COL4A3: variants seen among roughly 807,000 people sequenced by gnomAD.
COL4A3 encodes collagen alpha-3(IV) chain.
A neutral mutation model predicts 217.4 loss-of-function variants in COL4A3; 135 were observed. The ratio of observed to expected loss-of-function variants is 0.62; its 90% CI spans 0.54 to 0.72. COL4A3 has a LOEUF of 0.72. Among genes scored for constraint, COL4A3 ranks in the 30% least tolerant of loss-of-function variants. The probability of loss-of-function intolerance (pLI) is 0.00; values close to 1 mark genes in which losing one functional copy is unlikely to be tolerated. For missense variants in COL4A3, 1,868 were observed against 2,119.9 expected, an observed-to-expected ratio of 0.88 and a Z score of 2.33; for synonymous variants, 690 against 736.3, an observed-to-expected ratio of 0.94 and a Z score of 1.02.
At chr2:227,272,052 T>A (rs1383424033) in intron 25 of COL4A3, among the ~76,000 whole-genome samples, 1 of 152,228 alleles carries the variant, frequency 6.6e-6, no homozygotes. Flanking sequence ...CCTAAATGCT[T>A]CTGACTACAA....
rs113537624 is a variant in COL4A3 at position 227,168,287 on chromosome 2, G to T, written c.87+3474G>T. Among the ~76,000 whole-genome samples, 1,342 of 152,324 alleles carry T rather than the reference G, an allele frequency of 8.8e-3. 13 individuals carry two copies. The highest frequency in any genetic ancestry group is 0.03 in the African/African-American group (1,255 of 41,560). On this transcript the variant is annotated intron_variant, in intron 1 of 51. Coordinates refer to ENST00000396578, the MANE Select transcript of COL4A3 (RefSeq NM_000091.5). ...TGACAAGTTCATCTGCAAAAGGGTT[G>T]TACCAACAATGTACCAGAGTGCCTG...
At chr2:227,230,263 G>A (rs2068329140) in intron 1 of COL4A3, among the ~76,000 whole-genome samples, 1 of 152,078 alleles carries the variant, frequency 6.6e-6, no homozygotes, top group Non-Finnish European at 1.5e-5. Flanking sequence ...CTGTGAAAAA[G>A]AATGATTTCC....
At position 227,289,234 on chromosome 2, in the gene COL4A3, C is replaced by A. The variant is rs748243984; in HGVS notation, c.2966C>A (p.Pro989Gln). 3 of 1,613,394 alleles carry A rather than the reference C, an allele frequency of 1.9e-6. No individual in the cohort carries two copies. Among genetic ancestry groups the A allele is most frequent in the Non-Finnish European group, 2.5e-6 (3 of 1,179,560 alleles). ...GLKGLKGLPG[P>Q]AGPPGPRGDL... is the part of the protein sequence containing the mutation. ...AAGGGCCTCAAAGGACTACCCGGAC[C>A]AGCAGGACCACCAGGTACAGCTGAT... The change falls in exon 35 of 52, where the codon CCA becomes CAA. Residue 989 changes from proline (P) to glutamine (Q), a missense_variant. Physicochemically the swap from Pro to Gln is moderately conservative, Grantham distance 76. Coordinates refer to ENST00000396578, the MANE Select transcript of COL4A3 (RefSeq NM_000091.5).
At chr2:227,288,912 T>C (rs1402170387) in intron 34 of COL4A3, among the ~76,000 whole-genome samples, 1 of 151,996 alleles carries the variant, frequency 6.6e-6, no homozygotes, top group Admixed American at 6.6e-5. Context: ...TCTGACAAAA[T>C]TTTAACATGA....
At chr2:227,294,254 G>A (rs1017440562) in intron 38 of COL4A3, 1 of 531,464 alleles carries the variant, frequency 1.9e-6, no homozygotes, top group Non-Finnish European at 3.4e-6. Flanking sequence ...ATCGCATATT[G>A]AGTGGTGCTT....
chr2:227,199,265 A>G (rs533259643), intron 1 of COL4A3, among the ~76,000 whole-genome samples: 1 of 152,306 alleles, frequency 6.6e-6, no homozygotes, highest in East Asian at 1.9e-4. Context: ...GTTTTATAGC[A>G]GAGTTAGTCA....
At chr2:227,305,109 C>T (rs371412457) in intron 47 of COL4A3, 26 bp downstream of exon 47, 59 of 1,593,088 alleles carry the variant, frequency 3.7e-5, no homozygotes, top group East Asian at 6.7e-5. Flanking sequence ...GTTTCCTCAC[C>T]GAAGAAGTGC....
At chr2:227,255,947 C>CATATCA in intron 15 of COL4A3, 79 bp from the exon 16 acceptor site, 1 of 1,407,278 alleles carries the variant, frequency 7.1e-7, no homozygotes, top group Non-Finnish European at 1.0e-6. Context: ...AGGAGATGAT[C>CATATCA]ATATCACTTA....
At chr2:227,252,130 G>C (rs945671025) in intron 11 of COL4A3, among the ~76,000 whole-genome samples, 1 of 148,580 alleles carries the variant, frequency 6.7e-6, no homozygotes, top group Non-Finnish European at 1.5e-5. Context: ...AAAATGTTGA[G>C]TGAGGCTGAG....
At chr2:227,294,654 C>T in intron 39 of COL4A3, 84 bp downstream of exon 39, 1 of 1,026,000 alleles carries the variant, frequency 9.7e-7, no homozygotes, top group Non-Finnish European at 1.5e-6. Flanking sequence ...AAACCTACTA[C>T]TCTATAGAAG....
At chr2:227,218,942 A>G (rs1425915387) in intron 1 of COL4A3, among the ~76,000 whole-genome samples, 2 of 152,108 alleles carry the variant, frequency 1.3e-5, no homozygotes, top group East Asian at 3.9e-4. Flanking sequence ...GGAATTTGTC[A>G]TCTTCCAATA....
At chr2:227,184,251 A>C (rs2065945637) in intron 1 of COL4A3, among the ~76,000 whole-genome samples, 1 of 152,210 alleles carries the variant, frequency 6.6e-6, no homozygotes, top group South Asian at 2.1e-4. Context: ...CCTGGCTAGG[A>C]AACTCATCTG....
In COL4A3 at chr2:227,253,168, A is replaced by G. The variant is rs1250387450; in HGVS notation, c.646-128A>G. 11 of 788,720 alleles carry G rather than the reference A, an allele frequency of 1.4e-5. No homozygotes were observed. Among genetic ancestry groups the G allele is most frequent in the Non-Finnish European group, 2.1e-5 (10 of 473,864 alleles). The allele number at this position is 788,720 out of a possible 1,614,324, so 48.9% of individuals were successfully genotyped here. On this transcript the variant is annotated intron_variant, in intron 11 of 51. Coordinates refer to ENST00000396578, the MANE Select transcript of COL4A3 (RefSeq NM_000091.5). This position sits in a 1 kb window ranked among gnomAD's most constrained non-coding sequence, Gnocchi z 4.4. ...TGCTCTTCTCTAAGAAATAGCTAAA[A>G]TATGTATCATTCTAAAATGAAAGTT... is the stretch of plus-strand genomic sequence containing the variant.
chr2:227,226,996 T>C (rs948331009), intron 1 of COL4A3, among the ~76,000 whole-genome samples: 30 of 152,226 alleles, frequency 2.0e-4, no homozygotes, highest in African/African-American at 6.8e-4. Flanking sequence ...CTTATGGACA[T>C]TGAGATTTAA....
At chr2:227,211,069 C>T (rs925709685) in intron 1 of COL4A3, among the ~76,000 whole-genome samples, 15 of 152,228 alleles carry the variant, frequency 9.9e-5, no homozygotes, top group African/African-American at 3.4e-4. Context: ...GGTGCAATCT[C>T]GGCTCACTGC....
intron 1 of COL4A3, among the ~76,000 whole-genome samples, chr2:227,208,360 G>A (rs770985280): frequency 6.6e-6 from 1 of 152,254 alleles, no homozygotes; most frequent in East Asian, 1.9e-4. Context: ...GCTCCTGGGG[G>A]TAACATCATT....
At chr2:227,221,740 C>G (rs145211556) in intron 1 of COL4A3, among the ~76,000 whole-genome samples, 1 of 152,006 alleles carries the variant, frequency 6.6e-6, no homozygotes, top group South Asian at 2.1e-4. Flanking sequence ...TTTTCTTCCC[C>G]CTGTTAGAAC....
chr2:227,261,318 A>G (rs61291718), intron 20 of COL4A3, among the ~76,000 whole-genome samples: 21 of 152,356 alleles, frequency 1.4e-4, no homozygotes, highest in African/African-American at 4.8e-4. Flanking sequence ...TGAGGTCAGG[A>G]GTTCGAGACC....
intron 1 of COL4A3, among the ~76,000 whole-genome samples, chr2:227,172,275 G>A (rs1223230882): frequency 6.6e-6 from 1 of 152,192 alleles, no homozygotes; most frequent in Admixed American, 6.5e-5. Context: ...ATAACCGCCT[G>A]ACCATCATAT....
Sources: allele counts gnomAD v4.1 joint callset (sites outside exome capture counted in the v4.1 genomes callset), GRCh38; gene constraint gnomAD v4.1.1; non-coding constraint Gnocchi (gnomAD v3.1); transcripts MANE v1.5; gene names NCBI Gene and HGNC (gene_info 2026-07-23, HGNC 2026-07-21).